Variants in CDT1 observed in about 807,000 individuals in gnomAD.
CDT1 encodes the protein chromatin licensing and DNA replication factor 1.
In CDT1, 66 loss-of-function variants were observed where a neutral mutation model predicts 49.3. The ratio of observed to expected loss-of-function variants is 1.34; its 90% confidence interval spans 1.10 to 1.64. The LOEUF (loss-of-function observed/expected upper bound fraction) is 1.64, where lower values mean the gene tolerates loss of function less well. Among genes scored for constraint, CDT1 ranks in the 40% most tolerant of loss-of-function variants. The probability of loss-of-function intolerance (pLI) is 0.00; values close to 1 mark genes in which losing one functional copy is unlikely to be tolerated. For synonymous variants in CDT1, 424 were observed against 347.4 expected (o/e 1.22, Z -2.45); for missense variants, 958 against 807.7 (o/e 1.19, Z -2.26).
In CDT1 at chr16:88,808,242, C is replaced by T; in HGVS notation, c.1605C>T (p.Arg535=). The T allele has an allele frequency of 6.2e-7, 1 of 1,603,510 alleles. No individual in the cohort carries two copies. Among genetic ancestry groups the T allele is most frequent in the Non-Finnish European group, 8.5e-7 (1 of 1,175,706 alleles). The change falls in exon 10 of 10, where the codon CGC becomes CGT. Residue 535 remains arginine, a synonymous_variant. Transcript: ENST00000301019. The part of the protein sequence containing the change: ...KAADLAHITA[R]LAHQTRAEEG... ...CGGACCTCGCCCACATCACTGCACG[C>T]CTGGCCCACCAGACACGTGCTGAGG...
Position 88,808,322 on chromosome 16 carries a change from T to C in CDT1, c.*44T>C, listed in dbSNP as rs909944366. On this transcript the variant is annotated 3_prime_UTR_variant, in exon 10 of 10. Transcript: ENST00000301019. ...ACAGACGTGGGCTTCAGAAGCTCGCTGGCCTGGGCCCACCAGCATTTTCTT... is the reference window on the plus strand; with the variant it reads ...ACAGACGTGGGCTTCAGAAGCTCGCCGGCCTGGGCCCACCAGCATTTTCTT... The C allele has an allele frequency of 1.8e-5, 27 of 1,539,360 alleles. No homozygotes were observed. The highest frequency in any genetic ancestry group is 5.3e-6 in the Non-Finnish European group (6 of 1,139,846).
chr16:88,804,494 C>T, intron 1 of CDT1, 51 bp from the exon 2 acceptor site: 1 of 1,595,088 alleles, frequency 6.3e-7, no homozygotes, highest in Non-Finnish European at 8.5e-7. Flanking sequence ...TCTGCAGAGC[C>T]AGGAGCACCA....
In CDT1 at chr16:88,808,314, A is replaced by G. The variant is rs991954677; in HGVS notation, c.*36A>G. 2 of 1,550,024 alleles carry G rather than the reference A, an allele frequency of 1.3e-6. No individual in the cohort carries two copies. Among genetic ancestry groups the G allele is most frequent in the African/African-American group, 2.7e-5 (2 of 73,462 alleles). ...CACTGTGGACAGACGTGGGCTTCAG[A>G]AGCTCGCTGGCCTGGGCCCACCAGC... is the stretch of plus-strand genomic sequence containing the variant. On this transcript the variant is annotated 3_prime_UTR_variant, in exon 10 of 10. Coordinates refer to ENST00000301019, the MANE Select transcript of CDT1 (RefSeq NM_030928.4).
chr16:88,807,599 G>A (rs932567861), intron 9 of CDT1, 117 bp downstream of exon 9: 2 of 1,041,676 alleles, frequency 1.9e-6, no homozygotes, highest in South Asian at 1.5e-5. Flanking sequence ...CAGATGTGCA[G>A]TGGGCGCTGG....
rs745596794 is a variant in CDT1 at position 88,807,112 on chromosome 16, C to G, written c.1184C>G (p.Pro395Arg). The G allele has an allele frequency of 6.2e-7, 1 of 1,612,808 alleles. No individual in the cohort carries two copies. Among genetic ancestry groups the G allele is most frequent in the Non-Finnish European group, 8.5e-7 (1 of 1,179,974 alleles). The part of the protein sequence containing the change: ...RSAAPSSPGS[P>R]RPALPATPPA... ...GCTGCGCCCAGCAGCCCCGGGTCTC[C>G]CAGGCCAGCACTGCCGGCTACCCCA... The change falls in exon 8 of 10, where the codon CCC becomes CGC. Residue 395 changes from proline to arginine, a missense_variant. Pro to Arg is a moderately radical substitution (Grantham distance 103). Coordinates refer to ENST00000301019, the MANE Select transcript of CDT1 (RefSeq NM_030928.4).
chr16:88,805,410 C>G (rs765588951), intron 3 of CDT1, 30 bp from the exon 4 acceptor site: 2 of 1,611,052 alleles, frequency 1.2e-6, no homozygotes, highest in South Asian at 2.2e-5. Context: ...GGGCCTACTG[C>G]TTCTCATGAG....
chr16:88,804,657 C>G lies in CDT1; in HGVS notation c.341C>G (p.Ala114Gly). 1 of 1,612,576 alleles carries G rather than the reference C, an allele frequency of 6.2e-7. No individual in the cohort carries two copies. Among genetic ancestry groups the G allele is most frequent in the East Asian group, 2.2e-5 (1 of 44,866 alleles). The change falls in exon 2 of 10, where the codon GCG becomes GGG. Residue 114 changes from alanine (A) to glycine (G), a missense_variant. By Grantham distance (60) the Ala-to-Gly change is moderately conservative. Transcript: ENST00000301019. ...AAGQPPHLTS[A>G]QDQDTISELA... ...GGTCAGCCGCCCCACCTGACATCCG[C>G]GCAGGACCAGGTGAGGGGCGGGGCC...
intron 1 of CDT1, 99 bp downstream of exon 1, chr16:88,804,158 G>A: frequency 1.3e-6 from 1 of 798,712 alleles, no homozygotes; most frequent in Non-Finnish European, 1.7e-6. Context: ...GGACGGGGGC[G>A]GGGAAACAGG....
rs1251822352 is a variant in CDT1 at position 88,805,709 on chromosome 16, C to T, written c.687-15C>T. The stretch of plus-strand genomic sequence containing the variant: ...GCCCGGGCCTGCCTCCTGAGCCGCC[C>T]CCATCCTCCCATAGGCGTTTTGAGG... On this transcript the variant is annotated splice_polypyrimidine_tract_variant and intron_variant, in intron 4 of 9. Coordinates refer to ENST00000301019, the MANE Select transcript of CDT1 (RefSeq NM_030928.4). 6.2e-7 allele frequency: 1 copy of T among 1,612,726 alleles called. No homozygotes were observed. Among genetic ancestry groups the T allele is most frequent in the African/African-American group, 1.3e-5 (1 of 74,930 alleles).
rs1393507520 is a variant in CDT1, at chr16:88,803,926, CCGCCAGGCCCGCACTCCG to C, written c.100_117del (p.Arg34_Ala39del). On this transcript the variant is annotated inframe_deletion, in exon 1 of 10. Coordinates refer to ENST00000301019, the MANE Select transcript of CDT1 (RefSeq NM_030928.4). ...AAGCTGGCCTGCCGCACCCCCAGCC[CCGCCAGGCCCGCACTCCG>C]CGCCCCGGCCTCCGCTACCAGTGGC... 1 of 1,359,924 alleles carries C rather than the reference CCGCCAGGCCCGCACTCCG, an allele frequency of 7.4e-7. No individual in the cohort carries two copies. The highest frequency in any genetic ancestry group is 9.5e-7 in the Non-Finnish European group (1 of 1,054,066). 84.2% of individuals were successfully genotyped at this position (1,359,924 alleles called of 1,614,324 possible). A position where few individuals can be genotyped will look rare whatever the true frequency, so the allele number is the denominator to read the frequency against.
Position 88,804,641 on chromosome 16 carries a change from C to T in CDT1, c.325C>T (p.Pro109Ser). ...KKSTPAAGQP[P>S]HLTSAQDQDT... The stretch of plus-strand genomic sequence containing the variant: ...ATCCACCCCGGCAGCAGGTCAGCCG[C>T]CCCACCTGACATCCGCGCAGGACCA... The change falls in exon 2 of 10, where the codon CCC becomes TCC. Residue 109 changes from proline to serine, a missense_variant. Physicochemically the swap from Pro to Ser is moderately conservative, Grantham distance 74 (BLOSUM62 -1). Coordinates refer to ENST00000301019, the MANE Select transcript of CDT1 (RefSeq NM_030928.4). 6.2e-7 allele frequency: 1 copy of T among 1,612,586 alleles called. No homozygotes were observed.
chr16:88,807,530 T>C, intron 9 of CDT1, 48 bp downstream of exon 9: 1 of 1,539,922 alleles, frequency 6.5e-7, no homozygotes, highest in Non-Finnish European at 8.9e-7. Context: ...AATTGCCTGG[T>C]GCTGCAGCTG....
In CDT1 at chr16:88,807,482, G is replaced by A. The variant is rs1239803972; in HGVS notation, c.1477G>A (p.Gly493Arg). The A allele has an allele frequency of 6.2e-7, 1 of 1,612,692 alleles. No individual in the cohort carries two copies. Among genetic ancestry groups the A allele is most frequent in the African/African-American group, 1.3e-5 (1 of 75,038 alleles). ...VGSCCTIMSP[G>R]EMEKHLLLLS... Reference sequence around the variant, plus strand: ...CAGCTGTTGTACTATCATGAGCCCTGGTACGTGCAGGGCGGGGTGAAGGGG... The same window carrying A: ...CAGCTGTTGTACTATCATGAGCCCTAGTACGTGCAGGGCGGGGTGAAGGGG... Residue 493 changes from glycine to arginine, a missense_variant and splice_region_variant, in exon 9 of 10, where the codon GGG (glycine) becomes AGG (arginine). Physicochemically the swap from Gly to Arg is moderately radical, Grantham distance 125. Transcript: ENST00000301019.
chr16:88,807,915 G>C (rs1458905428), intron 9 of CDT1, among the ~76,000 whole-genome samples, 200 bp from the exon 10 acceptor site: 5 of 152,352 alleles, frequency 3.3e-5, no homozygotes, highest in Non-Finnish European at 5.9e-5. Flanking sequence ...CTCAACTGTA[G>C]GCCTGGCTCT....
Position 88,808,555 on chromosome 16 carries a change from C to A in CDT1, c.*277C>A, listed in dbSNP as rs969253947. ...TGGGGAAGGGAAGCCAGATCCAGCA[C>A]CCCCTGGGGGGCCATCGGGAGTGTG... On this transcript the variant is annotated 3_prime_UTR_variant, in exon 10 of 10. Transcript: ENST00000301019. The A allele has an allele frequency of 3.9e-6, 2 of 518,264 alleles. No individual in the cohort carries two copies. Among genetic ancestry groups the A allele is most frequent in the Non-Finnish European group, 6.9e-6 (2 of 289,708 alleles). The allele number at this position is 518,264 out of a possible 1,614,324, so 32.1% of individuals were successfully genotyped here. A position where few individuals can be genotyped will look rare whatever the true frequency, so the allele number is the denominator to read the frequency against.
At chr16:88,806,215 C>T in intron 6 of CDT1, 94 bp downstream of exon 6, 2 of 1,221,682 alleles carry the variant, frequency 1.6e-6, no homozygotes, top group South Asian at 1.3e-5. Context: ...CCACTCACAG[C>T]TTCTCCCGGG....
rs837760 is a variant in CDT1, at chr16:88,808,962, C to T, written c.*684C>T. The T allele has an allele frequency of 0.023, 3,994 of 170,716 alleles. 171 individuals are homozygous for T. The highest frequency in any genetic ancestry group is 0.091 in the African/African-American group (3,811 of 41,678). 10.6% of individuals were successfully genotyped at this position (170,716 alleles called of 1,614,324 possible). ...AGTGAGCGAAGATCGCACCACTGCA[C>T]GCACTCCAGCCTGGGTGACAGAGCG... is the stretch of plus-strand genomic sequence containing the variant. On this transcript the variant is annotated 3_prime_UTR_variant, in exon 10 of 10. Transcript: ENST00000301019.
At position 88,808,098 on chromosome 16, in the gene CDT1, C is replaced by G. The variant is rs889499261; in HGVS notation, c.1478-17C>G. The G allele has an allele frequency of 1.9e-6, 3 of 1,610,906 alleles. No homozygotes were observed. The highest frequency in any genetic ancestry group is 1.7e-5 in the Admixed American group (1 of 59,696). ...GGGGCCCAGCACCAGCCTCAGTGTC[C>G]TCCTCTCCTCCCCCAGGGGAAATGG... is the stretch of plus-strand genomic sequence containing the variant. On this transcript the variant is annotated splice_polypyrimidine_tract_variant and intron_variant, in intron 9 of 9. Coordinates refer to ENST00000301019, the MANE Select transcript of CDT1 (RefSeq NM_030928.4).
chr16:88,804,206 G>A, intron 1 of CDT1, 147 bp downstream of exon 1: 2 of 664,978 alleles, frequency 3.0e-6, no homozygotes, highest in Non-Finnish European at 4.6e-6. Flanking sequence ...GGGACAGGCC[G>A]GGGGATCCTG....
Sources: gnomAD v4.1 joint callset for allele counts (sites outside exome capture counted in the v4.1 genomes callset) on GRCh38, gnomAD v4.1.1 for gene constraint, MANE v1.5 for transcripts, NCBI Gene and HGNC (gene_info 2026-07-23, HGNC 2026-07-21) for gene names.